The following RSPO3 variants were observed in gnomAD, a reference collection of about 807,000 sequenced individuals.
RSPO3 encodes R-spondin-3.
A neutral mutation model predicts 36.5 loss-of-function variants in RSPO3; 17 were observed. The ratio of observed to expected loss-of-function variants is 0.47; its 90% CI spans 0.32 to 0.70. The LOEUF (loss-of-function observed/expected upper bound fraction) is 0.70. RSPO3 is among the 30% of genes least tolerant of loss of function. RSPO3 has a pLI of 0.04. For missense variants in RSPO3, 294 were observed against 322.5 expected (o/e 0.91, Z 0.68); for synonymous variants, 108 against 107.0 (o/e 1.01, Z -0.06).
chr6:127,120,612 G>C (rs1243091662), intron 1 of RSPO3, among the ~76,000 whole-genome samples: 1 of 152,244 alleles, frequency 6.6e-6, no homozygotes, highest in Non-Finnish European at 1.5e-5. Context: ...TCGCTTCTCG[G>C]CCGCTGTTTG....
intron 1 of RSPO3, among the ~76,000 whole-genome samples, chr6:127,134,783 G>A (rs1420952048): frequency 1.3e-5 from 2 of 152,142 alleles, no homozygotes; most frequent in East Asian, 3.8e-4. Context: ...AATTTCATGA[G>A]ATATTATTCC....
chr6:127,135,364 T>C (rs1373116590), intron 1 of RSPO3, among the ~76,000 whole-genome samples: 3 of 140,744 alleles, frequency 2.1e-5, no homozygotes, highest in South Asian at 4.3e-4. Context: ...GAGGTTGCAG[T>C]GAGCCGAAAT....
At chr6:127,132,162 C>A (rs920339318) in intron 1 of RSPO3, among the ~76,000 whole-genome samples, 1 of 152,012 alleles carries the variant, frequency 6.6e-6, no homozygotes, top group African/African-American at 2.4e-5. Flanking sequence ...AGGATTCATT[C>A]TGACAAACTG....
intron 4 of RSPO3, among the ~76,000 whole-genome samples, chr6:127,156,734 C>G (rs1774603916): frequency 6.6e-6 from 1 of 152,006 alleles, no homozygotes; most frequent in African/African-American, 2.4e-5. Context: ...ACACCAGAGT[C>G]CAGTGAAAGG....
At chr6:127,194,074 T>G (rs1775465998) in intron 4 of RSPO3, among the ~76,000 whole-genome samples, 1 of 152,184 alleles carries the variant, frequency 6.6e-6, no homozygotes, top group Non-Finnish European at 1.5e-5. Context: ...GAAGGTTTTA[T>G]AAATACAGTC....
intron 1 of RSPO3, among the ~76,000 whole-genome samples, chr6:127,143,405 T>G (rs928364325): frequency 1.3e-5 from 2 of 152,172 alleles, no homozygotes; most frequent in African/African-American, 4.8e-5. Flanking sequence ...CTCTACCCTG[T>G]CTCTTAAGGC....
chr6:127,174,097 T>C (rs1419212565), intron 4 of RSPO3, among the ~76,000 whole-genome samples: 1 of 115,470 alleles, frequency 8.7e-6, no homozygotes, highest in Non-Finnish European at 2.0e-5. Flanking sequence ...GCATTTCTAA[T>C]AATGTGTGTT....
chr6:127,197,188 T>C lies in RSPO3; in HGVS notation c.*1181T>C, dbSNP rs573033564. ...TACATTTCTCAGTAATATTTGTTTT[T>C]TGAATCCACCTTTATCTGAGCCAAT... On this transcript the variant is annotated 3_prime_UTR_variant, in exon 5 of 5. Coordinates refer to ENST00000356698, the MANE Select transcript of RSPO3 (RefSeq NM_032784.5). 5.3e-5 allele frequency: 24 copies of C among 450,656 alleles called. No homozygotes were observed. The highest frequency in any genetic ancestry group is 8.6e-5 in the Non-Finnish European group (22 of 257,302). The allele number at this position is 450,656 out of a possible 1,614,324, so 27.9% of individuals were successfully genotyped here. A position where few individuals can be genotyped will look rare whatever the true frequency, so the allele number is the denominator to read the frequency against.
Position 127,150,617 on chromosome 6 carries a change from T to G in RSPO3, c.436+45T>G, listed in dbSNP as rs369662295. 6.1e-5 allele frequency: 94 copies of G among 1,549,924 alleles called. No homozygotes were observed. In the African/African-American group the frequency reaches 1.2e-3, roughly 20 times the overall value. ...ATTTGAGTAAGTGATAATGTCAGTC[T>G]CCATGGAGGTGCTTTTCAAAGTCCT... is the stretch of plus-strand genomic sequence containing the variant. On this transcript the variant is annotated intron_variant, in intron 3 of 4. Coordinates refer to ENST00000356698, the MANE Select transcript of RSPO3 (RefSeq NM_032784.5).
At chr6:127,166,232 A>G (rs890072355) in intron 4 of RSPO3, among the ~76,000 whole-genome samples, 2 of 152,000 alleles carry the variant, frequency 1.3e-5, no homozygotes, top group Non-Finnish European at 2.9e-5. Context: ...TCTTTTTAAT[A>G]GCTGCAAAAT....
chr6:127,184,194 CA>C (rs1307124712), intron 4 of RSPO3, among the ~76,000 whole-genome samples: 1 of 151,852 alleles, frequency 6.6e-6, no homozygotes, highest in Non-Finnish European at 1.5e-5. Context: ...CACCCTACTC[CA>C]AAATAATCAG....
chr6:127,155,126 T>C, intron 3 of RSPO3, 115 bp from the exon 4 acceptor site: 2 of 964,806 alleles, frequency 2.1e-6, no homozygotes, highest in East Asian at 2.4e-5. Context: ...GACTTTGATC[T>C]GCAAGATTCT....
intron 4 of RSPO3, among the ~76,000 whole-genome samples, chr6:127,191,900 C>G (rs1343470446): frequency 6.6e-6 from 1 of 152,186 alleles, no homozygotes; most frequent in African/African-American, 2.4e-5. Flanking sequence ...ATCTTTCCAG[C>G]TTCTATGGGT....
intron 4 of RSPO3, among the ~76,000 whole-genome samples, chr6:127,157,628 A>G (rs1774620897): frequency 6.6e-6 from 1 of 152,122 alleles, no homozygotes. Context: ...AGAAGTTTAT[A>G]CAACTAGAAA....
intron 1 of RSPO3, among the ~76,000 whole-genome samples, chr6:127,131,673 C>T (rs938555210): frequency 2.0e-5 from 3 of 152,012 alleles, no homozygotes; most frequent in African/African-American, 2.4e-5. Context: ...CACAGACAGC[C>T]GAGTTAATTT....
chr6:127,122,728 C>T (rs568958364), intron 1 of RSPO3, among the ~76,000 whole-genome samples: 2 of 152,216 alleles, frequency 1.3e-5, no homozygotes, highest in African/African-American at 4.8e-5. Flanking sequence ...AAACTGTTCT[C>T]CTTGACTGGA....
At position 127,150,166 on chromosome 6, in the gene RSPO3, G is replaced by GATATATATATAT. The variant is rs768162516; in HGVS notation, c.290-250_290-239dup. On this transcript the variant is annotated intron_variant, in intron 2 of 4. Transcript: ENST00000356698. ...ACTTCATCTTATAAATATTCTTGGA[G>GATATATATATAT]ATATATATATATATATATATACACA... Among the ~76,000 whole-genome samples the GATATATATATAT allele has an allele frequency of 2.8e-4, 39 of 139,518 alleles. 1 individual carries two copies. Among genetic ancestry groups the GATATATATATAT allele is most frequent in the African/African-American group, 1.0e-3 (39 of 38,756 alleles). 91.5% of individuals were successfully genotyped at this position (139,518 alleles called of 152,430 possible).
At chr6:127,158,880 C>T (rs1774648100) in intron 4 of RSPO3, among the ~76,000 whole-genome samples, 1 of 151,956 alleles carries the variant, frequency 6.6e-6, no homozygotes, top group Non-Finnish European at 1.5e-5. Flanking sequence ...GAGGTCATTA[C>T]CAATACAATT....
intron 1 of RSPO3, among the ~76,000 whole-genome samples, chr6:127,142,004 A>G (rs1197841319): frequency 1.3e-5 from 2 of 152,202 alleles, no homozygotes; most frequent in African/African-American, 4.8e-5. Context: ...ACATTGGTAT[A>G]TTAAAACCCT....
Sources: gnomAD v4.1 joint callset for allele counts (sites outside exome capture counted in the v4.1 genomes callset) on GRCh38, gnomAD v4.1.1 for gene constraint, MANE v1.5 for transcripts, NCBI Gene and HGNC (gene_info 2026-07-23, HGNC 2026-07-21) for gene names.